The following NR6A1 variants were observed in gnomAD, a reference collection of about 807,000 sequenced individuals.
The protein encoded by NR6A1 is retinoic acid receptor-related testis-associated receptor.
A neutral mutation model predicts 59.1 loss-of-function variants in NR6A1; 7 were observed. The ratio of observed to expected loss-of-function variants is 0.12; its 90% CI spans 0.07 to 0.22. The LOEUF (loss-of-function observed/expected upper bound fraction) is 0.22, where lower values mean the gene tolerates loss of function less well. Ranked by LOEUF, NR6A1 falls within the 10% of genes least tolerant of loss-of-function variation. The pLI is 1.00. For synonymous variants in NR6A1, 243 were observed against 236.1 expected (o/e 1.03, Z -0.27); for missense variants, 468 against 611.6 (o/e 0.77, Z 2.48).
chr9:124,696,327 G>A (rs1838758909), intron 2 of NR6A1, among the ~76,000 whole-genome samples: 1 of 152,088 alleles, frequency 6.6e-6, no homozygotes, highest in South Asian at 2.1e-4. Flanking sequence ...GAGTCAACAG[G>A]AATGGAATGA....
intron 2 of NR6A1, among the ~76,000 whole-genome samples, chr9:124,644,246 C>T (rs1836863205): frequency 6.8e-6 from 1 of 147,384 alleles, no homozygotes; most frequent in Non-Finnish European, 1.5e-5. Context: ...GAGGTGTATA[C>T]TGATCCTCTT....
intron 2 of NR6A1, among the ~76,000 whole-genome samples, chr9:124,646,290 GAA>G (rs1836925932): frequency 6.6e-6 from 1 of 151,994 alleles, no homozygotes; most frequent in Admixed American, 6.5e-5. Flanking sequence ...AAGCAATAAA[GAA>G]AATTAACAAA....
At chr9:124,700,822 G>A (rs960697449) in intron 2 of NR6A1, among the ~76,000 whole-genome samples, 1 of 141,180 alleles carries the variant, frequency 7.1e-6, no homozygotes, top group Non-Finnish European at 1.5e-5. Flanking sequence ...GTGCAATGGT[G>A]CAATCTCAGC....
rs533182233 is a variant in NR6A1 at position 124,556,882 on chromosome 9, G to A, written c.143-2312C>T. Among the ~76,000 whole-genome samples the A allele has an allele frequency of 4.9e-5, 7 of 142,064 alleles. No individual in the cohort carries two copies. In the South Asian group the frequency reaches 6.7e-4, roughly 14 times the overall value. The allele number at this position is 142,064 out of a possible 152,430, so 93.2% of individuals were successfully genotyped here. On this transcript the variant is annotated intron_variant, in intron 2 of 9. Coordinates refer to ENST00000487099, the MANE Select transcript of NR6A1 (RefSeq NM_033334.4). Reference sequence around the variant, plus strand: ...ACTAATATACCTTTTTTTTTTTTTCGCAAACAGGGAAACAGGCAATATTAA... The same window carrying A: ...ACTAATATACCTTTTTTTTTTTTTCACAAACAGGGAAACAGGCAATATTAA...
Position 124,754,571 on chromosome 9 carries a change from T to C in NR6A1, c.100+16449A>G, listed in dbSNP as rs1182838512. Among the ~76,000 whole-genome samples, 6 of 152,124 alleles carry C rather than the reference T, an allele frequency of 3.9e-5. No homozygotes were observed. The East Asian group carries it at 1.2e-3, about 29-fold the overall frequency. On this transcript the variant is annotated intron_variant, in intron 1 of 9. Transcript: ENST00000487099. ...GCTGCAGGGCATGGGGGAGAAATGA[T>C]GTATAGGAAACGGGAAAAACAAAAA... is the stretch of plus-strand genomic sequence containing the variant.
chr9:124,696,927 G>A (rs187158262), intron 2 of NR6A1, among the ~76,000 whole-genome samples: 66 of 152,260 alleles, frequency 4.3e-4, no homozygotes, highest in African/African-American at 1.5e-3. Flanking sequence ...CAAAGTGTTG[G>A]GATTATAGGC....
At position 124,763,715 on chromosome 9, in the gene NR6A1, C is replaced by T. The variant is rs996395079; in HGVS notation, c.100+7305G>A. On this transcript the variant is annotated intron_variant, in intron 1 of 9. Coordinates refer to ENST00000487099, the MANE Select transcript of NR6A1 (RefSeq NM_033334.4). ...GTGTTCTGTCTTCTAGCTTTTCTTTCGTGACAGAAAGACTAAATTAGATAA... is the reference window on the plus strand; with the variant it reads ...GTGTTCTGTCTTCTAGCTTTTCTTTTGTGACAGAAAGACTAAATTAGATAA... 9.2e-5 allele frequency among the ~76,000 whole-genome samples: 14 copies of T among 152,158 alleles called. No homozygotes were observed. The East Asian group carries it at 2.5e-3, about 27-fold the overall frequency.
intron 2 of NR6A1, among the ~76,000 whole-genome samples, chr9:124,629,860 G>A (rs1350701623): frequency 6.6e-6 from 1 of 152,104 alleles, no homozygotes; most frequent in African/African-American, 2.4e-5. Context: ...CACAAGGGAG[G>A]AACTGACTCC....
intron 2 of NR6A1, among the ~76,000 whole-genome samples, chr9:124,728,220 G>A (rs1225587916): frequency 1.3e-5 from 2 of 151,582 alleles, no homozygotes. Flanking sequence ...TAGTAGAGAC[G>A]GGGTTTCACT....
chr9:124,602,309 G>A (rs1395907260), intron 2 of NR6A1, among the ~76,000 whole-genome samples: 1 of 152,188 alleles, frequency 6.6e-6, no homozygotes, highest in Non-Finnish European at 1.5e-5. Context: ...CTCCTGAGAG[G>A]TCTAAACAAG....
intron 2 of NR6A1, among the ~76,000 whole-genome samples, chr9:124,718,917 C>T (rs760440435): frequency 6.9e-5 from 10 of 145,610 alleles, no homozygotes; most frequent in Non-Finnish European, 1.2e-4. Context: ...TGGGCTCAAG[C>T]GATCCTCCCA....
intron 1 of NR6A1, among the ~76,000 whole-genome samples, chr9:124,763,868 T>G (rs1387422054): frequency 6.6e-6 from 1 of 152,158 alleles, no homozygotes; most frequent in Non-Finnish European, 1.5e-5. Flanking sequence ...AAATGGGGAC[T>G]TGAATTAATA....
chr9:124,611,774 A>AGAGAGAGAGAGAGAATGAGAGAGAAT (rs148472095), intron 2 of NR6A1, among the ~76,000 whole-genome samples: 1 of 105,720 alleles, frequency 9.5e-6, no homozygotes, highest in Non-Finnish European at 1.8e-5. Flanking sequence ...AGAGAGAGAG[A>AGAGAGAGAGAGAGAATGAGAGAGAAT]GAGAGAGAAT....
chr9:124,601,606 AAAAAG>A (rs200324904), intron 2 of NR6A1, among the ~76,000 whole-genome samples: 16 of 149,128 alleles, frequency 1.1e-4, no homozygotes, highest in Non-Finnish European at 1.6e-4. Flanking sequence ...AAAAGAAAGA[AAAAAG>A]AAAAGAAAAG....
intron 2 of NR6A1, among the ~76,000 whole-genome samples, chr9:124,649,608 G>T (rs999210922): frequency 6.6e-6 from 1 of 152,040 alleles, no homozygotes; most frequent in Non-Finnish European, 1.5e-5. Context: ...GACAAATGGG[G>T]TTATATCAAG....
chr9:124,558,824 A>T (rs1381037761), intron 2 of NR6A1, among the ~76,000 whole-genome samples: 1 of 151,910 alleles, frequency 6.6e-6, no homozygotes, highest in African/African-American at 2.4e-5. Flanking sequence ...CCCACTGAAA[A>T]CCAACCAACC....
chr9:124,675,918 G>A (rs116740697), intron 2 of NR6A1, among the ~76,000 whole-genome samples: 3 of 152,160 alleles, frequency 2.0e-5, no homozygotes, highest in Non-Finnish European at 4.4e-5. Flanking sequence ...GTACGTGTAG[G>A]TGTAATTGTA....
At chr9:124,719,719 A>G (rs1839508441) in intron 2 of NR6A1, among the ~76,000 whole-genome samples, 1 of 152,024 alleles carries the variant, frequency 6.6e-6, no homozygotes. Flanking sequence ...AGGAGTTGGA[A>G]ACCAGCCTGA....
At chr9:124,733,265 T>C (rs755147528) in intron 2 of NR6A1, 43 bp downstream of exon 2, 2 of 1,455,420 alleles carry the variant, frequency 1.4e-6, no homozygotes, top group Non-Finnish European at 1.9e-6. Flanking sequence ...TACACACACA[T>C]CCTTTTCTTA....
Sources: gnomAD v4.1 joint callset for allele counts (sites outside exome capture counted in the v4.1 genomes callset) on GRCh38, gnomAD v4.1.1 for gene constraint, MANE v1.5 for transcripts, NCBI Gene and HGNC (gene_info 2026-07-23, HGNC 2026-07-21) for gene names.